Variants in WDR48 observed in about 807,000 individuals in gnomAD.
WDR48 encodes the protein WD repeat-containing protein 48.
In WDR48, 22 loss-of-function variants were observed where a neutral mutation model predicts 94.0. The ratio of observed to expected loss-of-function variants is 0.23; its 90% CI spans 0.17 to 0.33. The LOEUF (loss-of-function observed/expected upper bound fraction) is 0.33, where lower values mean the gene tolerates loss of function less well. WDR48 is among the 10% of genes least tolerant of loss of function. The pLI is 1.00. For missense variants in WDR48, 541 were observed against 813.8 expected (o/e 0.66, Z 4.08); for synonymous variants, 278 against 280.5 (o/e 0.99, Z 0.09).
Position 39,063,149 on chromosome 3 carries a change from C to A in WDR48, c.148C>A (p.Arg50=). ...PALNRLFTAG[R]DSIIRIWSVN... ...ACTAAATAGACTTTTCACAGCCGGT[C>A]GAGACTCTATCATAAGAATATGGAG... Residue 50 remains arginine, a synonymous_variant, in exon 2 of 19, where the codon CGA becomes AGA. Coordinates refer to ENST00000302313, the MANE Select transcript of WDR48 (RefSeq NM_020839.4). 1.2e-6 allele frequency: 2 copies of A among 1,614,032 alleles called. No homozygotes were observed. The highest frequency in any genetic ancestry group is 1.7e-6 in the Non-Finnish European group (2 of 1,179,982).
intron 8 of WDR48, among the ~76,000 whole-genome samples, chr3:39,075,841 C>G (rs2034195753): frequency 6.6e-6 from 1 of 151,988 alleles, no homozygotes; most frequent in Non-Finnish European, 1.5e-5. Flanking sequence ...CTATAGGCAC[C>G]CACCACCATG....
intron 1 of WDR48, among the ~76,000 whole-genome samples, chr3:39,062,567 A>G (rs2033333054): frequency 6.6e-6 from 1 of 152,214 alleles, no homozygotes; most frequent in Non-Finnish European, 1.5e-5. Flanking sequence ...GGTCGGAGGA[A>G]GAGCTTCCAA....
intron 8 of WDR48, among the ~76,000 whole-genome samples, chr3:39,076,075 G>A (rs2125663261): frequency 6.6e-6 from 1 of 152,264 alleles, no homozygotes; most frequent in East Asian, 1.9e-4. Context: ...AGGAAAATGA[G>A]AAACAGAACT....
chr3:39,068,649 C>A, intron 5 of WDR48, 122 bp from the exon 6 acceptor site: 1 of 613,256 alleles, frequency 1.6e-6, no homozygotes, highest in Non-Finnish European at 2.9e-6. Context: ...AGGTAGATTT[C>A]TTTTCCGTAG....
chr3:39,093,711 A>G (rs2035204442), intron 17 of WDR48, among the ~76,000 whole-genome samples, 163 bp from the exon 18 acceptor site: 1 of 152,262 alleles, frequency 6.6e-6, no homozygotes, highest in Non-Finnish European at 1.5e-5. Context: ...AGGACACTGT[A>G]GAAAATCTTT....
chr3:39,084,887 G>A (rs1364005287), intron 13 of WDR48, 146 bp downstream of exon 13: 3 of 592,388 alleles, frequency 5.1e-6, no homozygotes, highest in Non-Finnish European at 8.7e-6. Flanking sequence ...AATACCTAAT[G>A]TATACAAATC....
At chr3:39,055,127 G>C in intron 1 of WDR48, among the ~76,000 whole-genome samples, 1 of 152,208 alleles carries the variant, frequency 6.6e-6, no homozygotes, top group East Asian at 1.9e-4. Context: ...CCACGAGACA[G>C]TAGCCCTGAG....
chr3:39,058,614 C>T (rs190207403), intron 1 of WDR48, among the ~76,000 whole-genome samples: 2 of 152,290 alleles, frequency 1.3e-5, no homozygotes, highest in Admixed American at 1.3e-4. Context: ...CTGAAGTTGA[C>T]ATTGAAGCTA....
intron 8 of WDR48, among the ~76,000 whole-genome samples, chr3:39,076,410 G>T (rs1226884867): frequency 2.0e-5 from 3 of 152,216 alleles, no homozygotes; most frequent in Admixed American, 6.5e-5. Flanking sequence ...TTCTGCAGCT[G>T]CCTGGATCTC....
chr3:39,078,314 A>G (rs1204109753), intron 10 of WDR48, 75 bp downstream of exon 10: 12 of 1,004,370 alleles, frequency 1.2e-5, no homozygotes, highest in Non-Finnish European at 1.7e-5. Flanking sequence ...AAATCAAGAC[A>G]ATGACCTTTC....
chr3:39,052,406 CT>C (rs1407649948), intron 1 of WDR48: 12 of 271,318 alleles, frequency 4.4e-5, no homozygotes, highest in Non-Finnish European at 8.5e-5. Flanking sequence ...CCCTGTCTTT[CT>C]TCGAAGCGCT....
rs2035349814 is a variant in WDR48, at chr3:39,096,586, A to C, written c.*1843A>C. On this transcript the variant is annotated 3_prime_UTR_variant, in exon 19 of 19. Transcript: ENST00000302313. ...GTCAAACCGTAATACAGTTTCCAGA[A>C]AATTCGACAGTCTGCAATGCCAAAA... The C allele has an allele frequency of 6.6e-6, 1 of 152,226 alleles. No homozygotes were observed. Among genetic ancestry groups the C allele is most frequent in the African/African-American group, 2.4e-5 (1 of 41,450 alleles). 9.4% of individuals were successfully genotyped at this position (152,226 alleles called of 1,614,324 possible). A position where few individuals can be genotyped will look rare whatever the true frequency, so the allele number is the denominator to read the frequency against.
At chr3:39,064,398 C>T (rs1159293341) in intron 2 of WDR48, among the ~76,000 whole-genome samples, 1 of 151,986 alleles carries the variant, frequency 6.6e-6, no homozygotes, top group South Asian at 2.1e-4. Flanking sequence ...CCTCAGCCTC[C>T]TCAGCAGCTG....
chr3:39,070,618 A>G (rs2033870784), intron 7 of WDR48, among the ~76,000 whole-genome samples: 1 of 152,156 alleles, frequency 6.6e-6, no homozygotes. Context: ...AAGGAAGGAA[A>G]TCATTTTTCA....
intron 18 of WDR48, chr3:39,094,317 T>G (rs1169541856): frequency 2.1e-6 from 3 of 1,422,428 alleles, no homozygotes. Context: ...TCTTCTTGAT[T>G]TGCAAAAAGC....
chr3:39,059,443 G>A (rs969920508), intron 1 of WDR48, among the ~76,000 whole-genome samples: 1 of 152,204 alleles, frequency 6.6e-6, no homozygotes, highest in South Asian at 2.1e-4. Flanking sequence ...CTAAGCATTT[G>A]AGGAGTTTGA....
At chr3:39,061,327 CT>C (rs575076860) in intron 1 of WDR48, among the ~76,000 whole-genome samples, 216 of 151,716 alleles carry the variant, frequency 1.4e-3, no homozygotes, top group African/African-American at 5.1e-3. Context: ...TCAGCTCCCA[CT>C]TACGAGTGAG....
intron 11 of WDR48, among the ~76,000 whole-genome samples, chr3:39,082,063 G>A (rs539427362): frequency 6.6e-6 from 1 of 152,188 alleles, no homozygotes; most frequent in Admixed American, 6.5e-5. Flanking sequence ...TACGGAATAT[G>A]CTAGGGAACA....
intron 7 of WDR48, among the ~76,000 whole-genome samples, chr3:39,073,773 C>G (rs1264115381): frequency 6.6e-6 from 1 of 152,182 alleles, no homozygotes; most frequent in African/African-American, 2.4e-5. Flanking sequence ...AGTGTTAACT[C>G]ACTTGAGGCT....
Sources: gnomAD v4.1 joint callset for allele counts (sites outside exome capture counted in the v4.1 genomes callset) on GRCh38, gnomAD v4.1.1 for gene constraint, MANE v1.5 for transcripts, NCBI Gene and HGNC (gene_info 2026-07-23, HGNC 2026-07-21) for gene names.